The following HCN1 variants were observed in gnomAD, a reference collection of about 807,000 sequenced individuals.
HCN1 encodes the protein potassium/sodium hyperpolarization-activated cyclic nucleotide-gated channel 1.
Under a neutral mutation model 78.9 loss-of-function variants are expected in HCN1, and 13 were observed. That is an observed-to-expected ratio of 0.16 (90% CI 0.11 to 0.26). The LOEUF (loss-of-function observed/expected upper bound fraction) is 0.26, where lower values mean the gene tolerates loss of function less well. HCN1 is among the 10% of genes least tolerant of loss of function. HCN1 has a pLI of 1.00. For synonymous variants in HCN1, 552 were observed against 455.5 expected (o/e 1.21, Z -2.70); for missense variants, 810 against 1,154.3 (o/e 0.70, Z 4.32).
At chr5:45,498,727 G>T (rs909503702) in intron 2 of HCN1, among the ~76,000 whole-genome samples, 2 of 152,002 alleles carry the variant, frequency 1.3e-5, no homozygotes, top group Admixed American at 1.3e-4. Context: ...TCTACTTTTG[G>T]TCTTTGATGA....
intron 4 of HCN1, among the ~76,000 whole-genome samples, chr5:45,355,959 T>A (rs931882433): frequency 6.6e-6 from 1 of 151,982 alleles, no homozygotes; most frequent in Non-Finnish European, 1.5e-5. Flanking sequence ...ACAGGAGCTT[T>A]TTCTTTTTCT....
Position 45,651,873 on chromosome 5 carries a change from A to G in HCN1, c.426-6265T>C, listed in dbSNP as rs572954271. 9.9e-5 allele frequency among the ~76,000 whole-genome samples: 15 copies of G among 152,096 alleles called. No individual in the cohort carries two copies. In the East Asian group the frequency reaches 2.7e-3, roughly 27 times the overall value. On this transcript the variant is annotated intron_variant, in intron 1 of 7. Transcript: ENST00000303230. ...TTTTAAAAATCCAGACAACTCAAAC[A>G]TAGGCAATTTGGAGTGGAAATATGC...
chr5:45,578,238 T>C (rs960493923), intron 2 of HCN1, among the ~76,000 whole-genome samples: 2 of 152,002 alleles, frequency 1.3e-5, no homozygotes, highest in Non-Finnish European at 1.5e-5. Context: ...GACAAAGGTC[T>C]ATCTAAAGGG....
intron 2 of HCN1, among the ~76,000 whole-genome samples, chr5:45,479,228 T>C (rs1741590910): frequency 6.6e-6 from 1 of 151,782 alleles, no homozygotes; most frequent in Admixed American, 6.6e-5. Flanking sequence ...AAATTCAGTA[T>C]AGCATCTGAA....
intron 2 of HCN1, among the ~76,000 whole-genome samples, chr5:45,489,944 A>G (rs1579926031): frequency 6.6e-6 from 1 of 152,194 alleles, no homozygotes; most frequent in East Asian, 1.9e-4. Flanking sequence ...AGCGTTTCAG[A>G]TAAACAGTGA....
At chr5:45,539,792 AT>A (rs1056622781) in intron 2 of HCN1, among the ~76,000 whole-genome samples, 2 of 147,334 alleles carry the variant, frequency 1.4e-5, no homozygotes, top group African/African-American at 4.9e-5. Flanking sequence ...GAATATAATC[AT>A]TTTCATACAC....
At chr5:45,286,027 A>C (rs1745262747) in intron 6 of HCN1, among the ~76,000 whole-genome samples, 1 of 151,996 alleles carries the variant, frequency 6.6e-6, no homozygotes. Context: ...AACTAAAAAA[A>C]AACTAAGTTT....
At chr5:45,690,687 CAG>C (rs1739893601) in intron 1 of HCN1, among the ~76,000 whole-genome samples, 1 of 151,942 alleles carries the variant, frequency 6.6e-6, no homozygotes, top group South Asian at 2.1e-4. Context: ...ATAGTGCATG[CAG>C]ACTTTTTTCT....
At chr5:45,279,712 C>T (rs1430720227) in intron 6 of HCN1, among the ~76,000 whole-genome samples, 1 of 151,954 alleles carries the variant, frequency 6.6e-6, no homozygotes, top group Non-Finnish European at 1.5e-5. Flanking sequence ...ACATTTCCAC[C>T]TAATTATTTT....
At chr5:45,369,491 T>TG (rs1302130425) in intron 4 of HCN1, among the ~76,000 whole-genome samples, 1 of 152,100 alleles carries the variant, frequency 6.6e-6, no homozygotes, top group Non-Finnish European at 1.5e-5. Context: ...ATCCTATTAC[T>TG]GTCCTTGCTC....
At chr5:45,312,175 C>T (rs1368900984) in intron 5 of HCN1, among the ~76,000 whole-genome samples, 1 of 152,146 alleles carries the variant, frequency 6.6e-6, no homozygotes, top group African/African-American at 2.4e-5. Flanking sequence ...GAAGATTTTT[C>T]TTATGCAATG....
intron 2 of HCN1, among the ~76,000 whole-genome samples, chr5:45,537,630 C>T (rs556939607): frequency 3.4e-5 from 5 of 148,012 alleles, no homozygotes; most frequent in South Asian, 2.2e-4. Flanking sequence ...ACTCTGCCCC[C>T]GGGTTCAAGC....
chr5:45,392,106 T>C (rs1023239427), intron 4 of HCN1, among the ~76,000 whole-genome samples: 1 of 152,138 alleles, frequency 6.6e-6, no homozygotes, highest in African/African-American at 2.4e-5. Context: ...AGTATATATC[T>C]TAACCATAAT....
intron 2 of HCN1, among the ~76,000 whole-genome samples, chr5:45,524,304 C>A (rs191327748): frequency 0.097 from 14,760 of 151,892 alleles, 943 homozygotes; most frequent in Middle Eastern, 0.17. Context: ...TGATGCCTCC[C>A]GCTTTGTTCT....
chr5:45,264,785 T>C (rs1196621927), intron 7 of HCN1, among the ~76,000 whole-genome samples: 4 of 152,224 alleles, frequency 2.6e-5, no homozygotes, highest in African/African-American at 9.6e-5. Flanking sequence ...TAATGTAACT[T>C]TTAATACACT....
chr5:45,294,249 C>G (rs1184898583), intron 6 of HCN1, among the ~76,000 whole-genome samples: 1 of 151,932 alleles, frequency 6.6e-6, no homozygotes, highest in Non-Finnish European at 1.5e-5. Flanking sequence ...GAATCGGTGT[C>G]TCTAAATTTA....
chr5:45,379,521 T>A (rs763318398), intron 4 of HCN1, among the ~76,000 whole-genome samples: 3 of 152,120 alleles, frequency 2.0e-5, no homozygotes, highest in African/African-American at 4.8e-5. Flanking sequence ...TCTGGTATGA[T>A]AACATGAATT....
rs1341074044 is a variant in HCN1, at chr5:45,696,182, G to C, written c.-89C>G. 1 of 816,504 alleles carries C rather than the reference G, an allele frequency of 1.2e-6. No individual in the cohort carries two copies. Among genetic ancestry groups the C allele is most frequent in the Non-Finnish European group, 1.5e-6 (1 of 652,922 alleles). The allele number at this position is 816,504 out of a possible 1,614,324, so 50.6% of individuals were successfully genotyped here. ...CACGTAGCCGAGAGGGTAGGGGCCC[G>C]AGCCGGCTGCCGGCGAGCCCAGCTG... On this transcript the variant is annotated 5_prime_UTR_variant, in exon 1 of 8. Coordinates refer to ENST00000303230, the MANE Select transcript of HCN1 (RefSeq NM_021072.4).
intron 1 of HCN1, among the ~76,000 whole-genome samples, chr5:45,648,942 T>G (rs1201897680): frequency 6.6e-6 from 1 of 151,844 alleles, no homozygotes; most frequent in East Asian, 1.9e-4. Flanking sequence ...CTCTCTCAAT[T>G]AAACGAAAAC....
Sources: allele counts gnomAD v4.1 joint callset (sites outside exome capture counted in the v4.1 genomes callset), GRCh38; gene constraint gnomAD v4.1.1; transcripts MANE v1.5; gene names NCBI Gene and HGNC (gene_info 2026-07-23, HGNC 2026-07-21).